STAU2: variants seen among roughly 807,000 people sequenced by gnomAD.
The protein encoded by STAU2 is staufen double-stranded RNA binding protein 2.
Under a neutral mutation model 65.9 loss-of-function variants are expected in STAU2, and 20 were observed. The observed-to-expected ratio is 0.30, with a 90% confidence interval of 0.21 to 0.44. The LOEUF (loss-of-function observed/expected upper bound fraction) is 0.44, where lower values mean the gene tolerates loss of function less well. Ranked by LOEUF, STAU2 falls within the 20% of genes least tolerant of loss-of-function variation. STAU2 has a pLI of 1.00. For synonymous variants in STAU2, 232 were observed against 233.9 expected (o/e 0.99, Z 0.07); for missense variants, 558 against 683.9 (o/e 0.82, Z 2.05).
chr8:73,746,585 G>A (rs1274076017), intron 1 of STAU2, among the ~76,000 whole-genome samples, 198 bp downstream of exon 1: 1 of 126,018 alleles, frequency 7.9e-6, no homozygotes, highest in Admixed American at 7.9e-5. Flanking sequence ...TCCCTCCCCC[G>A]CCGGTCTCCC....
intron 7 of STAU2, among the ~76,000 whole-genome samples, chr8:73,616,785 G>A (rs749566037): frequency 2.7e-5 from 4 of 148,648 alleles, no homozygotes; most frequent in South Asian, 2.2e-4. Context: ...GCAACAGAGC[G>A]AGGCTCCATC....
chr8:73,743,262 G>C (rs1287600789), intron 1 of STAU2, among the ~76,000 whole-genome samples: 1 of 149,740 alleles, frequency 6.7e-6, no homozygotes, highest in Non-Finnish European at 1.5e-5. Context: ...GACACCAATT[G>C]TATACGCTAG....
intron 13 of STAU2, among the ~76,000 whole-genome samples, chr8:73,483,163 C>T (rs898330817): frequency 1.3e-5 from 2 of 151,972 alleles, no homozygotes; most frequent in Non-Finnish European, 2.9e-5. Context: ...AGAAAAAGTG[C>T]TTTCAACATG....
chr8:73,564,208 C>T (rs58356299), intron 12 of STAU2, among the ~76,000 whole-genome samples: 15,244 of 152,068 alleles, frequency 0.1, 1,317 homozygotes, highest in African/African-American at 0.21. Flanking sequence ...CTTGGAGTGC[C>T]GACAGAGCCA....
intron 13 of STAU2, among the ~76,000 whole-genome samples, chr8:73,518,702 CCA>C (rs1822876662): frequency 6.6e-6 from 1 of 152,110 alleles, no homozygotes; most frequent in African/African-American, 2.4e-5. Context: ...TTGTTTTCGT[CCA>C]CAGTCTATTT....
intron 13 of STAU2, among the ~76,000 whole-genome samples, chr8:73,453,551 C>G (rs1483229392): frequency 6.6e-6 from 1 of 152,178 alleles, no homozygotes; most frequent in East Asian, 1.9e-4. Flanking sequence ...TGGGAAAAAT[C>G]AAGGGGCACC....
rs753387009 is a variant in STAU2 at position 73,467,142 on chromosome 8, C to A, written c.1531-44440G>T. 2.1e-4 allele frequency among the ~76,000 whole-genome samples: 32 copies of A among 152,256 alleles called. 1 individual carries two copies. The highest frequency in any genetic ancestry group is 5.5e-4 in the African/African-American group (23 of 41,474). ...TCTATCTCTGCCACTGGACTCAGGG[C>A]AGAAGTCTCACTTTTTAATCTTTGA... On this transcript the variant is annotated intron_variant, in intron 13 of 14. Transcript: ENST00000524300.
chr8:73,532,803 A>G (rs1805909758), intron 13 of STAU2, among the ~76,000 whole-genome samples: 1 of 152,176 alleles, frequency 6.6e-6, no homozygotes, highest in Admixed American at 6.6e-5. Flanking sequence ...ACTGACTTCA[A>G]GTCTTTAGAC....
chr8:73,472,624 A>AG (rs1225987127), intron 13 of STAU2, among the ~76,000 whole-genome samples: 2 of 152,102 alleles, frequency 1.3e-5, no homozygotes, highest in African/African-American at 4.8e-5. Context: ...AACATGCCAA[A>AG]GAAATTTTTT....
At chr8:73,746,549 A>C (rs961510104) in intron 1 of STAU2, among the ~76,000 whole-genome samples, 117 of 59,094 alleles carry the variant, frequency 2.0e-3, no homozygotes, top group Middle Eastern at 7.2e-3. Context: ...CGCACCCCCC[A>C]CCCCAATTCC....
intron 13 of STAU2, among the ~76,000 whole-genome samples, chr8:73,548,700 T>C (rs1807107922): frequency 6.6e-6 from 1 of 152,130 alleles, no homozygotes; most frequent in Admixed American, 6.6e-5. Flanking sequence ...CAACTAAGTG[T>C]TTCTTTATAT....
chr8:73,431,103 G>T (rs1817249743), intron 13 of STAU2, among the ~76,000 whole-genome samples: 1 of 152,186 alleles, frequency 6.6e-6, no homozygotes, highest in African/African-American at 2.4e-5. Context: ...CCTGAATGAT[G>T]CTTAAATCCA....
intron 13 of STAU2, among the ~76,000 whole-genome samples, chr8:73,508,701 C>T (rs1822206094): frequency 6.6e-6 from 1 of 152,100 alleles, no homozygotes. Context: ...TGAGCTATGC[C>T]TGTAATTTAC....
chr8:73,707,331 C>T (rs1179930663), intron 4 of STAU2, among the ~76,000 whole-genome samples: 1 of 152,014 alleles, frequency 6.6e-6, no homozygotes, highest in Non-Finnish European at 1.5e-5. Flanking sequence ...AGGCAAGTGT[C>T]ACAGAAAGAT....
At chr8:73,668,297 A>G (rs1212439379) in intron 6 of STAU2, among the ~76,000 whole-genome samples, 3 of 152,202 alleles carry the variant, frequency 2.0e-5, no homozygotes, top group African/African-American at 2.4e-5. Context: ...GAACAACACT[A>G]AAGCCCTACA....
intron 13 of STAU2, among the ~76,000 whole-genome samples, chr8:73,504,552 G>A (rs999288983): frequency 3.3e-5 from 5 of 151,946 alleles, no homozygotes; most frequent in Admixed American, 6.6e-5. Context: ...GGGACGCACC[G>A]CTTAGGAAGC....
intron 4 of STAU2, among the ~76,000 whole-genome samples, chr8:73,705,176 T>C (rs1029943820): frequency 2.0e-5 from 3 of 152,208 alleles, no homozygotes; most frequent in Non-Finnish European, 4.4e-5. Flanking sequence ...TAAGAACTTA[T>C]AAATCGTCAC....
intron 13 of STAU2, among the ~76,000 whole-genome samples, chr8:73,471,146 T>G (rs2128905693): frequency 6.6e-6 from 1 of 151,628 alleles, no homozygotes; most frequent in African/African-American, 2.4e-5. Flanking sequence ...CTGTCTTATA[T>G]TTAATTTTCT....
intron 5 of STAU2, among the ~76,000 whole-genome samples, chr8:73,680,088 C>T (rs1563501683): frequency 8.3e-6 from 1 of 120,750 alleles, no homozygotes; most frequent in Non-Finnish European, 1.6e-5. Flanking sequence ...TAGCTGAACG[C>T]TGTCATAATT....
Sources: gnomAD v4.1 joint callset for allele counts (sites outside exome capture counted in the v4.1 genomes callset) on GRCh38, gnomAD v4.1.1 for gene constraint, MANE v1.5 for transcripts, NCBI Gene and HGNC (gene_info 2026-07-23, HGNC 2026-07-21) for gene names.